The following LRRD1 variants were observed in gnomAD, a reference collection of about 807,000 sequenced individuals.
The protein encoded by LRRD1 is leucine rich repeats and death domain containing 1, also known as leucine-rich repeat and death domain-containing protein 1.
In LRRD1, 49 loss-of-function variants were observed where a neutral mutation model predicts 69.5. The observed-to-expected ratio is 0.70, with a 90% CI of 0.56 to 0.89. The LOEUF (loss-of-function observed/expected upper bound fraction) is 0.89. Ranked by LOEUF, LRRD1 falls within the 40% of genes least tolerant of loss-of-function variation. The pLI is 0.00. For missense variants in LRRD1, 853 were observed against 956.0 expected, an observed-to-expected ratio of 0.89 and a Z score of 1.42; for synonymous variants, 303 against 338.9, an observed-to-expected ratio of 0.89 and a Z score of 1.16.
chr7:92,152,861 G>A (rs771744384), intron 3 of LRRD1, among the ~76,000 whole-genome samples: 3 of 151,936 alleles, frequency 2.0e-5, no homozygotes, highest in African/African-American at 4.8e-5. Context: ...GTAGAGACGA[G>A]GTTTCACCAT....
chr7:92,142,634 C>T, downstream of LRRD1: 2 of 419,824 alleles, frequency 4.8e-6, no homozygotes, highest in East Asian at 7.0e-5. Context: ...GATGGCGCCT[C>T]TGGAGTTTGT....
chr7:92,163,571 T>G lies in LRRD1; in HGVS notation c.1632A>C (p.Gln544His), dbSNP rs757012591. The G allele has an allele frequency of 6.0e-5, 92 of 1,531,648 alleles. No individual in the cohort carries two copies. Among genetic ancestry groups the G allele is most frequent in the Non-Finnish European group, 7.8e-5 (89 of 1,141,124 alleles). 94.9% of individuals were successfully genotyped at this position (1,531,648 alleles called of 1,614,324 possible). A position where few individuals can be genotyped will look rare whatever the true frequency, so the allele number is the denominator to read the frequency against. ...AAATTGATGCTGGAATTTTCTTTAT[T>G]TGGTTTTTACCAAGATCCAGGTATT... Reference protein sequence around the residue: ...NLKYLDLGKNQIKKIPASISN... With the variant: ...NLKYLDLGKNHIKKIPASISN... Residue 544 changes from glutamine (Q) to histidine (H), a missense_variant, in exon 2 of 6, where the codon CAA (glutamine) becomes CAC (histidine). By Grantham distance (24) the Gln-to-His change is conservative (BLOSUM62 0). Around this residue, in one of 3 missense-constraint regions of LRRD1, gnomAD observed 739 missense variants for 808.0 expected, o/e 0.91. Transcript: ENST00000458448.
At chr7:92,146,257 G>A in intron 4 of LRRD1, 57 bp from the exon 5 acceptor site, 1 of 835,066 alleles carries the variant, frequency 1.2e-6, no homozygotes, top group Non-Finnish European at 1.8e-6. Context: ...TCTATTTTGA[G>A]TTCATATTAT....
At position 92,145,070 on chromosome 7, in the gene LRRD1, C is replaced by G; in HGVS notation, c.2401G>C (p.Val801Leu). ...TGGTGGGCTCTCTCACTTAATGAAA[C>G]AGTGCTGAAAAACATTATTAATAAT... ...SETDMPTKST[V>L]SLSERAHQAL... Residue 801 changes from valine (V) to leucine (L), a missense_variant, in exon 6 of 6, where the codon GTT becomes CTT. By Grantham distance (32) the Val-to-Leu change is conservative. Around this residue, in one of 3 missense-constraint regions of LRRD1, gnomAD observed 739 missense variants for 808.0 expected, o/e 0.91. Coordinates refer to ENST00000458448, the MANE Select transcript of LRRD1 (RefSeq NM_001161528.2). The G allele has an allele frequency of 7.0e-7, 1 of 1,434,384 alleles. No homozygotes were observed. Among genetic ancestry groups the G allele is most frequent in the East Asian group, 2.5e-5 (1 of 39,380 alleles). The allele number at this position is 1,434,384 out of a possible 1,614,324, so 88.9% of individuals were successfully genotyped here. A position where few individuals can be genotyped will look rare whatever the true frequency, so the allele number is the denominator to read the frequency against.
chr7:92,156,485 A>G lies in LRRD1; in HGVS notation c.2116+2520T>C, dbSNP rs1313677989. ...TATTTAGGTTTATTTAGTTTTATCT[A>G]TGTTACAGTTTTCAGCATATAGATC... On this transcript the variant is annotated intron_variant, in intron 3 of 5. Transcript: ENST00000458448. Among the ~76,000 whole-genome samples the G allele has an allele frequency of 3.9e-5, 6 of 152,310 alleles. No individual in the cohort carries two copies. In the South Asian group the frequency reaches 6.2e-4, roughly 16 times the overall value.
intron 3 of LRRD1, among the ~76,000 whole-genome samples, chr7:92,155,798 G>T (rs1021732488): frequency 2.6e-5 from 4 of 152,320 alleles, no homozygotes; most frequent in African/African-American, 9.6e-5. Context: ...TAGAGCCCCT[G>T]GCAAACCAGT....
chr7:92,171,907 C>A (rs1164531262), intron 1 of LRRD1, among the ~76,000 whole-genome samples: 1 of 152,134 alleles, frequency 6.6e-6, no homozygotes, highest in Non-Finnish European at 1.5e-5. Context: ...TTAATAGAAC[C>A]AATAACAAAA....
chr7:92,165,419 T>A (rs905621905), intron 1 of LRRD1, 143 bp from the exon 2 acceptor site: 2 of 277,078 alleles, frequency 7.2e-6, no homozygotes, highest in Non-Finnish European at 1.3e-5. Flanking sequence ...TATATATAAT[T>A]CCTGATTAAG....
At chr7:92,160,750 T>C (rs1584657269) in intron 2 of LRRD1, among the ~76,000 whole-genome samples, 1 of 152,154 alleles carries the variant, frequency 6.6e-6, no homozygotes, top group South Asian at 2.1e-4. Context: ...GAGGCAGAGG[T>C]TGCAGTGAGC....
At chr7:92,176,890 A>C (rs1789209600) in intron 1 of LRRD1, among the ~76,000 whole-genome samples, 1 of 151,136 alleles carries the variant, frequency 6.6e-6, no homozygotes, top group African/African-American at 2.4e-5. Flanking sequence ...AGCATGAGGC[A>C]TTTCTTGGAT....
chr7:92,165,626 C>G lies in LRRD1; in HGVS notation c.-74-350G>C, dbSNP rs371908776. Among the ~76,000 whole-genome samples the G allele has an allele frequency of 5.1e-4, 78 of 151,924 alleles. 2 individuals carry two copies. In the East Asian group the frequency reaches 0.013, roughly 25 times the overall value. On this transcript the variant is annotated intron_variant, in intron 1 of 5. Transcript: ENST00000458448. ...CTGTAATCCCAGCACTTTGGGAGGC[C>G]GAAGGGGCGGATCACTTTAGGTCAG...
intron 1 of LRRD1, among the ~76,000 whole-genome samples, chr7:92,175,204 A>C (rs564167623): frequency 6.6e-6 from 1 of 152,306 alleles, no homozygotes; most frequent in South Asian, 2.1e-4. Flanking sequence ...TTAGGTTTGT[A>C]ATCTTCTATT....
chr7:92,178,664 C>T (rs573611547), intron 1 of LRRD1, among the ~76,000 whole-genome samples: 13 of 152,290 alleles, frequency 8.5e-5, no homozygotes, highest in Middle Eastern at 6.8e-3. Flanking sequence ...GCGCGAAACT[C>T]TGTCGCAAAA....
chr7:92,170,286 C>G (rs1164222268), intron 1 of LRRD1, among the ~76,000 whole-genome samples: 1 of 151,964 alleles, frequency 6.6e-6, no homozygotes, highest in Non-Finnish European at 1.5e-5. Flanking sequence ...TTATTGATAT[C>G]CAAGAGGGAG....
downstream of LRRD1, chr7:92,143,039 G>T (rs374248647): frequency 1.0e-4 from 22 of 213,106 alleles, no homozygotes; most frequent in African/African-American, 4.9e-4. Flanking sequence ...CAGAGAGCCC[G>T]AGTGGTCTAT....
At chr7:92,160,308 T>C (rs1009207408) in intron 2 of LRRD1, among the ~76,000 whole-genome samples, 4 of 152,176 alleles carry the variant, frequency 2.6e-5, no homozygotes, top group Non-Finnish European at 4.4e-5. Flanking sequence ...AAAGGAAGCA[T>C]AAGAAATAGT....
intron 4 of LRRD1, among the ~76,000 whole-genome samples, chr7:92,146,934 A>C (rs1033148039): frequency 2.6e-5 from 4 of 152,122 alleles, no homozygotes; most frequent in Admixed American, 2.6e-4. Context: ...TAAAAAAAAA[A>C]AAAAATGACA....
Position 92,150,838 on chromosome 7 carries a change from T to C in LRRD1, c.2117-143A>G, listed in dbSNP as rs1030805100. 1.1e-5 allele frequency: 7 copies of C among 616,230 alleles called. No individual in the cohort carries two copies. The Admixed American group carries it at 1.5e-4, about 13-fold the overall frequency. 38.2% of individuals were successfully genotyped at this position (616,230 alleles called of 1,614,324 possible). A position where few individuals can be genotyped will look rare whatever the true frequency, so the allele number is the denominator to read the frequency against. ...TCATAAATTATTTCTGATGTCCACA[T>C]GCTAAGAGCAAAAAAGAGTGTTTAT... is the stretch of plus-strand genomic sequence containing the variant. On this transcript the variant is annotated intron_variant, in intron 3 of 5. Transcript: ENST00000458448.
intron 1 of LRRD1, among the ~76,000 whole-genome samples, chr7:92,168,367 A>G (rs1451701814): frequency 6.6e-6 from 1 of 152,166 alleles, no homozygotes; most frequent in East Asian, 1.9e-4. Flanking sequence ...AATATCCCTG[A>G]CAACAGCCAA....
Sources: gnomAD v4.1 joint callset for allele counts (sites outside exome capture counted in the v4.1 genomes callset) on GRCh38, gnomAD v4.1.1 for gene constraint, gnomAD v4.1.1 regional missense constraint, MANE v1.5 for transcripts, NCBI Gene and HGNC (gene_info 2026-07-23, HGNC 2026-07-21) for gene names.